Variants in LENG8 observed in about 807,000 individuals in gnomAD.
LENG8 encodes the protein leukocyte receptor cluster (LRC) member 8.
Under a neutral mutation model 102.1 loss-of-function variants are expected in LENG8, and 28 were observed. The observed-to-expected ratio is 0.27, with a 90% CI of 0.20 to 0.38. LENG8 has a LOEUF of 0.38. Among genes scored for constraint, LENG8 ranks in the 10% least tolerant of loss-of-function variants. LENG8 has a pLI of 1.00. For missense variants in LENG8, 1,022 were observed against 1,113.9 expected (o/e 0.92, Z 1.17); for synonymous variants, 531 against 456.7 (o/e 1.16, Z -2.07).
chr19:54,459,933 G>C, intron 15 of LENG8: 1 of 1,202,378 alleles, frequency 8.3e-7, no homozygotes, highest in Non-Finnish European at 1.1e-6. Context: ...TGTGTGGTTG[G>C]GCGAGTGTCC....
Position 54,455,994 on chromosome 19 carries a change from C to G in LENG8, c.1053C>G (p.Ser351Arg). 6.2e-7 allele frequency: 1 copy of G among 1,612,932 alleles called. No homozygotes were observed. Among genetic ancestry groups the G allele is most frequent in the South Asian group, 1.1e-5 (1 of 91,052 alleles). ...PGLTREPVAE[S>R]PKKKRWEAAS... ...TGACCCGGGAGCCTGTGGCTGAGAG[C>G]CCTAAGAAGAAGCGGTGGGAGGCCG... Residue 351 changes from serine (S) to arginine (R), a missense_variant, in exon 9 of 16, where the codon AGC becomes AGG. By Grantham distance (110) the Ser-to-Arg change is moderately radical (BLOSUM62 -1). Transcript: ENST00000326764.
In LENG8 at chr19:54,461,485, G is replaced by A. The variant is rs1033669886; in HGVS notation, c.*557G>A. 4 of 465,670 alleles carry A rather than the reference G, an allele frequency of 8.6e-6. No individual in the cohort carries two copies. Among genetic ancestry groups the A allele is most frequent in the Non-Finnish European group, 8.8e-6 (2 of 226,164 alleles). The allele number at this position is 465,670 out of a possible 1,614,324, so 28.8% of individuals were successfully genotyped here. ...GTGCCCGTCCTCGGCCCCCCACCCT[G>A]AAGTGCCAGCACCACCAGCACCAGA... On this transcript the variant is annotated 3_prime_UTR_variant, in exon 16 of 16. Coordinates refer to ENST00000326764, the MANE Select transcript of LENG8 (RefSeq NM_052925.4).
chr19:54,452,677 T>A lies in LENG8; in HGVS notation c.240T>A (p.Ala80=). The part of the protein sequence containing the change: ...AQYVSQAEAS[A]LQQQQYYQWY... ...ACGTGTCCCAGGCAGAAGCCTCAGCTTTGCAGCAGCAGCAGTACTACCAGT... is the reference window on the plus strand; with the variant it reads ...ACGTGTCCCAGGCAGAAGCCTCAGCATTGCAGCAGCAGCAGTACTACCAGT... The change falls in exon 4 of 16, where the codon GCT becomes GCA. Residue 80 remains alanine, a synonymous_variant. Transcript: ENST00000326764. 6.2e-7 allele frequency: 1 copy of A among 1,614,092 alleles called. No individual in the cohort carries two copies. The highest frequency in any genetic ancestry group is 8.5e-7 in the Non-Finnish European group (1 of 1,179,954).
In LENG8 at chr19:54,455,078, A is replaced by G. The variant is rs375613738; in HGVS notation, c.807A>G (p.Lys269=). The part of the protein sequence containing the change: ...SGFGPQPNPE[K]VQNHSGSSAR... ...TTGGCCCCCAGCCCAACCCTGAGAAAGTTCAGAACCACAGGTGACGTCTGC... is the reference window on the plus strand; with the variant it reads ...TTGGCCCCCAGCCCAACCCTGAGAAGGTTCAGAACCACAGGTGACGTCTGC... Residue 269 remains lysine, a synonymous_variant, in exon 7 of 16, where the codon AAA becomes AAG. Transcript: ENST00000326764. The G allele has an allele frequency of 6.2e-6, 10 of 1,614,046 alleles. No homozygotes were observed. The African/African-American group carries it at 1.1e-4, about 17-fold the overall frequency.
chr19:54,454,762 C>T (rs2084136288), intron 6 of LENG8, 80 bp downstream of exon 6: 5 of 1,477,624 alleles, frequency 3.4e-6, no homozygotes, highest in Admixed American at 2.1e-5. Context: ...GTGGTGTGTG[C>T]TGCTCCTTGT....
chr19:54,454,088 T>C (rs952853148), intron 5 of LENG8, among the ~76,000 whole-genome samples: 1 of 152,040 alleles, frequency 6.6e-6, no homozygotes, highest in Admixed American at 6.6e-5. Context: ...CATGAGTGTG[T>C]GTGCTCATGG....
chr19:54,450,150 T>C (rs892153700), intron 1 of LENG8, among the ~76,000 whole-genome samples: 7 of 152,238 alleles, frequency 4.6e-5, no homozygotes, highest in African/African-American at 1.7e-4. Flanking sequence ...TTTTGGGTCT[T>C]CTTTGGCATT....
intron 7 of LENG8, 135 bp from the exon 8 acceptor site, chr19:54,455,229 T>A: frequency 6.7e-7 from 1 of 1,488,780 alleles, no homozygotes; most frequent in Non-Finnish European, 9.3e-7. Flanking sequence ...CTCTTGGGGG[T>A]TGCTGTGAGC....
At position 54,461,012 on chromosome 19, in the gene LENG8, G is replaced by T; in HGVS notation, c.*84G>T. The T allele has an allele frequency of 6.5e-7, 1 of 1,529,478 alleles. No homozygotes were observed. The highest frequency in any genetic ancestry group is 8.7e-7 in the Non-Finnish European group (1 of 1,143,492). The allele number at this position is 1,529,478 out of a possible 1,614,324, so 94.7% of individuals were successfully genotyped here. A position where few individuals can be genotyped will look rare whatever the true frequency, so the allele number is the denominator to read the frequency against. ...TTCTGTTTTTGAGCCGTGGACTTGGGTTGTAAATTTATTTGTGGGGAGTGC... is the reference window on the plus strand; with the variant it reads ...TTCTGTTTTTGAGCCGTGGACTTGGTTTGTAAATTTATTTGTGGGGAGTGC... On this transcript the variant is annotated 3_prime_UTR_variant, in exon 16 of 16. Coordinates refer to ENST00000326764, the MANE Select transcript of LENG8 (RefSeq NM_052925.4).
Position 54,457,954 on chromosome 19 carries a change from G to A in LENG8, c.1854G>A (p.Glu618=), listed in dbSNP as rs758981246. 6.2e-7 allele frequency: 1 copy of A among 1,613,900 alleles called. No individual in the cohort carries two copies. Among genetic ancestry groups the A allele is most frequent in the South Asian group, 1.1e-5 (1 of 91,090 alleles). Residue 618 remains glutamate, a synonymous_variant, in exon 13 of 16, where the codon GAG becomes GAA. Transcript: ENST00000326764. The part of the protein sequence containing the change: ...QDLTVQGIRT[E]FTVEVYETHA... ...CCCAGGTGCAGGGCATCCGCACCGA[G>A]TTCACGGTGGAGGTGTACGAGACCC...
intron 1 of LENG8, among the ~76,000 whole-genome samples, chr19:54,450,898 G>A (rs1208780991): frequency 1.3e-5 from 2 of 152,158 alleles, no homozygotes; most frequent in Non-Finnish European, 2.9e-5. Context: ...GGGATTACAG[G>A]CGTGAGCCAC....
chr19:54,452,643 T>A lies in LENG8; in HGVS notation c.214-8T>A. 1 of 1,556,276 alleles carries A rather than the reference T, an allele frequency of 6.4e-7. No homozygotes were observed. The highest frequency in any genetic ancestry group is 2.3e-5 in the East Asian group (1 of 44,326). On this transcript the variant is annotated splice_region_variant and splice_polypyrimidine_tract_variant and intron_variant, in intron 3 of 15. Coordinates refer to ENST00000326764, the MANE Select transcript of LENG8 (RefSeq NM_052925.4). Reference sequence around the variant, plus strand: ...CTGCTGACGGCACATGTGCCTCTGCTTCCACAGTACGTGTCCCAGGCAGAA... The same window carrying A: ...CTGCTGACGGCACATGTGCCTCTGCATCCACAGTACGTGTCCCAGGCAGAA...
intron 15 of LENG8, chr19:54,459,257 T>C: frequency 9.6e-7 from 1 of 1,038,072 alleles, no homozygotes; most frequent in East Asian, 8.2e-5. Context: ...GCCCTGCCAC[T>C]GCCATTGGGC....
In LENG8 at chr19:54,452,095, C is replaced by T; in HGVS notation, c.41C>T (p.Ser14Phe). The change falls in exon 3 of 16, where the codon TCT (serine) becomes TTT (phenylalanine). Residue 14 changes from serine (S) to phenylalanine (F), a missense_variant and splice_region_variant. Ser to Phe is a radical substitution (Grantham distance 155). Transcript: ENST00000326764. Reference protein sequence around the residue: ...NVGDQRSTDWSSQYSMVAGAG... With the variant: ...NVGDQRSTDWFSQYSMVAGAG... ...CTTGATGTCCTCTCTCTCTGCAGGT[C>T]TTCTCAGTACAGCATGGTGGCTGGG... 6.2e-7 allele frequency: 1 copy of T among 1,609,938 alleles called. No homozygotes were observed. Among genetic ancestry groups the T allele is most frequent in the South Asian group, 1.1e-5 (1 of 90,870 alleles).
At chr19:54,458,961 C>T (rs2084397768) in intron 15 of LENG8, 1 of 1,475,526 alleles carries the variant, frequency 6.8e-7, no homozygotes, top group Admixed American at 2.4e-5. Context: ...CCACTCAGCT[C>T]CTTTGAGAGC....
chr19:54,456,156 C>A lies in LENG8; in HGVS notation c.1215C>A (p.Asn405Lys). The change falls in exon 9 of 16, where the codon AAC (asparagine) becomes AAA (lysine). Residue 405 changes from asparagine to lysine, a missense_variant. Coordinates refer to ENST00000326764, the MANE Select transcript of LENG8 (RefSeq NM_052925.4). ...GCTTCACCAAGTTTGGCAACCGCAACGTCTTCATGAAGGACAACAGCTCTT... is the reference window on the plus strand; with the variant it reads ...GCTTCACCAAGTTTGGCAACCGCAAAGTCTTCATGAAGGACAACAGCTCTT... ...GNSFTKFGNRNVFMKDNSSSS... is the reference protein window; with the variant it reads ...GNSFTKFGNRKVFMKDNSSSS... 6.2e-7 allele frequency: 1 copy of A among 1,611,162 alleles called. No homozygotes were observed.
rs1188179565 is a variant in LENG8, at chr19:54,461,473, G to GC, written c.*551dup. 3 of 462,592 alleles carry GC rather than the reference G, an allele frequency of 6.5e-6. No homozygotes were observed. Among genetic ancestry groups the GC allele is most frequent in the South Asian group, 3.1e-5 (2 of 64,124 alleles). 28.7% of individuals were successfully genotyped at this position (462,592 alleles called of 1,614,324 possible). A position where few individuals can be genotyped will look rare whatever the true frequency, so the allele number is the denominator to read the frequency against. On this transcript the variant is annotated 3_prime_UTR_variant, in exon 16 of 16. Transcript: ENST00000326764. ...TGCTTAGAGACTGTGCCCGTCCTCG[G>GC]CCCCCCACCCTGAAGTGCCAGCACC...
intron 4 of LENG8, 70 bp downstream of exon 4, chr19:54,452,822 A>G (rs1417564960): frequency 1.3e-5 from 14 of 1,118,190 alleles, no homozygotes; most frequent in Admixed American, 8.9e-5. Context: ...GGTGAAGTGG[A>G]GTCTGCCGGG....
At chr19:54,458,840 T>TG (rs2084390684) in intron 15 of LENG8, 1 of 1,550,782 alleles carries the variant, frequency 6.4e-7, no homozygotes, top group Non-Finnish European at 8.7e-7. Flanking sequence ...GTTCACTCCT[T>TG]GCCCTGGGCT....
Sources: gnomAD v4.1 joint callset for allele counts (sites outside exome capture counted in the v4.1 genomes callset) on GRCh38, gnomAD v4.1.1 for gene constraint, MANE v1.5 for transcripts, NCBI Gene and HGNC (gene_info 2026-07-23, HGNC 2026-07-21) for gene names.